The following NREP variants were observed in gnomAD, a reference collection of about 807,000 sequenced individuals.
The protein encoded by NREP is neuronal regeneration related protein.
Under a neutral mutation model 8.6 loss-of-function variants are expected in NREP, and 5 were observed. The ratio of observed to expected loss-of-function variants is 0.58; its 90% CI spans 0.30 to 1.22. The LOEUF (loss-of-function observed/expected upper bound fraction) is 1.22, where lower values mean the gene tolerates loss of function less well. Ranked by LOEUF, NREP falls within the 50% of genes most tolerant of loss-of-function variation. The pLI, the probability that NREP is intolerant of heterozygous loss-of-function variation, is 0.07. For synonymous variants in NREP, 27 were observed against 28.0 expected, an observed-to-expected ratio of 0.96 and a Z score of 0.11; for missense variants, 86 against 82.5, an observed-to-expected ratio of 1.04 and a Z score of -0.17.
intron 2 of NREP, chr5:111,974,465 G>C (rs1756907221): frequency 6.6e-6 from 1 of 152,162 alleles, no homozygotes; most frequent in Non-Finnish European, 1.5e-5. Flanking sequence ...ACTGGGCCAG[G>C]AGCATGACAT....
intron 2 of NREP, among the ~76,000 whole-genome samples, chr5:111,900,194 A>C (rs779281136): frequency 1.2e-4 from 18 of 152,096 alleles, no homozygotes; most frequent in African/African-American, 1.7e-4. Context: ...TCATGGGTCA[A>C]GGAAGAAATT....
chr5:111,833,212 T>G (rs1313439079), intron 2 of NREP, among the ~76,000 whole-genome samples: 1 of 152,218 alleles, frequency 6.6e-6, no homozygotes, highest in East Asian at 1.9e-4. Flanking sequence ...GAGGTTACTT[T>G]TAGTTACTCA....
At chr5:111,937,784 T>A (rs2112610465) in intron 2 of NREP, among the ~76,000 whole-genome samples, 1 of 152,134 alleles carries the variant, frequency 6.6e-6, no homozygotes, top group Admixed American at 6.5e-5. Flanking sequence ...TCCCACCAGG[T>A]AACTCAGCAT....
At chr5:111,811,635 G>T (rs980608187) in intron 2 of NREP, among the ~76,000 whole-genome samples, 22 of 152,158 alleles carry the variant, frequency 1.4e-4, no homozygotes, top group African/African-American at 5.1e-4. Flanking sequence ...CAGGGTTTTG[G>T]AAGTATTCTG....
intron 2 of NREP, among the ~76,000 whole-genome samples, chr5:111,736,852 G>C (rs773009838): frequency 1.3e-5 from 2 of 152,168 alleles, no homozygotes; most frequent in African/African-American, 2.4e-5. Context: ...AAGTCACACA[G>C]GTAGTGTAGG....
chr5:111,761,972 A>G (rs1050189850), upstream of NREP, among the ~76,000 whole-genome samples: 1 of 152,204 alleles, frequency 6.6e-6, no homozygotes, highest in African/African-American at 2.4e-5. Context: ...GGTTATTCTG[A>G]GAGTAATTTG....
At chr5:111,750,092 C>T (rs1464416847) in intron 2 of NREP, among the ~76,000 whole-genome samples, 1 of 152,130 alleles carries the variant, frequency 6.6e-6, no homozygotes, top group Non-Finnish European at 1.5e-5. Flanking sequence ...CACATCAAGT[C>T]CTTGACTTCT....
chr5:111,761,096 G>A (rs1039096735), upstream of NREP, among the ~76,000 whole-genome samples: 1 of 152,190 alleles, frequency 6.6e-6, no homozygotes, highest in Non-Finnish European at 1.5e-5. Flanking sequence ...TTTAGTCTCA[G>A]TTTATTCATC....
At chr5:111,888,863 A>C (rs1164475568) in intron 2 of NREP, among the ~76,000 whole-genome samples, 1 of 152,210 alleles carries the variant, frequency 6.6e-6, no homozygotes, top group Non-Finnish European at 1.5e-5. Flanking sequence ...TTGAAATAAG[A>C]ACATAGGAGT....
At chr5:111,791,927 T>C (rs533617763) in intron 2 of NREP, among the ~76,000 whole-genome samples, 1 of 152,304 alleles carries the variant, frequency 6.6e-6, no homozygotes, top group Non-Finnish European at 1.5e-5. Context: ...ACTTTTAAAA[T>C]GAGGATAAAA....
intron 2 of NREP, among the ~76,000 whole-genome samples, chr5:111,826,801 C>T (rs1298881649): frequency 6.6e-6 from 1 of 152,202 alleles, no homozygotes; most frequent in Non-Finnish European, 1.5e-5. Flanking sequence ...TCCCAAAGTG[C>T]TGGGATTATA....
At chr5:111,767,926 A>C (rs1751124720) in intron 2 of NREP, among the ~76,000 whole-genome samples, 1 of 152,064 alleles carries the variant, frequency 6.6e-6, no homozygotes. Context: ...CGGCCTCCTA[A>C]AGTGCTGGGA....
downstream of NREP, chr5:111,728,866 A>G (rs1466790825): frequency 6.6e-6 from 1 of 152,190 alleles, no homozygotes; most frequent in Non-Finnish European, 1.5e-5. Context: ...GTCTGAGGAA[A>G]AGTGCACATA....
rs1748352799 is a variant in NREP, at chr5:111,729,398, G to A, written c.*1523C>T. ...TGAGTGCATCAGTAAAGATCACACT[G>A]TTACAAAAGCCTGCATTTTCAGCAG... On this transcript the variant is annotated 3_prime_UTR_variant, in exon 4 of 4. Coordinates refer to ENST00000257435, the MANE Select transcript of NREP (RefSeq NM_004772.4). The A allele has an allele frequency of 1.3e-5, 2 of 152,306 alleles. No homozygotes were observed. The highest frequency in any genetic ancestry group is 4.8e-5 in the African/African-American group (2 of 41,462). The allele number at this position is 152,306 out of a possible 1,614,324, so 9.4% of individuals were successfully genotyped here. A position where few individuals can be genotyped will look rare whatever the true frequency, so the allele number is the denominator to read the frequency against.
Position 111,878,918 on chromosome 5 carries a change from C to T in NREP, c.135+96356G>A, listed in dbSNP as rs551343179. Among the ~76,000 whole-genome samples, 4 of 152,294 alleles carry T rather than the reference C, an allele frequency of 2.6e-5. No homozygotes were observed. In the South Asian group the frequency reaches 6.2e-4, roughly 24 times the overall value. On this transcript the variant is annotated intron_variant, in intron 2 of 3. Coordinates refer to the NREP transcript ENST00000395634. ...CTCATTCAGCGAATACTCCTTCAAC[C>T]CCCACTATGTGCCAGACACTGTTTG... is the stretch of plus-strand genomic sequence containing the variant.
At chr5:111,849,766 T>C (rs1339591944) in intron 2 of NREP, among the ~76,000 whole-genome samples, 1 of 152,132 alleles carries the variant, frequency 6.6e-6, no homozygotes, top group African/African-American at 2.4e-5. Context: ...TTTTCTAGAC[T>C]CCCTTGTAGC....
At chr5:111,844,247 G>T (rs1753102983) in intron 2 of NREP, among the ~76,000 whole-genome samples, 1 of 151,922 alleles carries the variant, frequency 6.6e-6, no homozygotes, top group Non-Finnish European at 1.5e-5. Context: ...TTTTAAATAT[G>T]AATATTTGAC....
chr5:111,873,542 G>A (rs1753836767), intron 2 of NREP, among the ~76,000 whole-genome samples: 1 of 152,118 alleles, frequency 6.6e-6, no homozygotes, highest in South Asian at 2.1e-4. Flanking sequence ...TCAGTTTCTG[G>A]AAGATACCTG....
chr5:111,770,093 A>G (rs1751182027), intron 2 of NREP, among the ~76,000 whole-genome samples: 1 of 152,236 alleles, frequency 6.6e-6, no homozygotes, highest in Non-Finnish European at 1.5e-5. Context: ...TCAGAAAATT[A>G]GACATTCTAG....
Sources: allele counts gnomAD v4.1 joint callset (sites outside exome capture counted in the v4.1 genomes callset), GRCh38; gene constraint gnomAD v4.1.1; transcripts MANE v1.5; gene names NCBI Gene and HGNC (gene_info 2026-07-23, HGNC 2026-07-21).